KHDRBS2: variants seen among roughly 807,000 people sequenced by gnomAD.
The protein encoded by KHDRBS2 is KH RNA binding domain containing, signal transduction associated 2, also known as KH domain-containing, RNA-binding, signal transduction-associated protein 2.
Under a neutral mutation model 44.3 loss-of-function variants are expected in KHDRBS2, and 26 were observed. The ratio of observed to expected loss-of-function variants is 0.59; its 90% confidence interval spans 0.43 to 0.81. KHDRBS2 has a LOEUF of 0.81. Ranked by LOEUF, KHDRBS2 falls within the 40% of genes least tolerant of loss-of-function variation. The pLI is 0.00. For synonymous variants in KHDRBS2, 194 were observed against 151.1 expected (o/e 1.28, Z -2.08); for missense variants, 476 against 433.1 (o/e 1.10, Z -0.88).
intron 4 of KHDRBS2, among the ~76,000 whole-genome samples, chr6:61,968,858 G>A (rs531608817): frequency 6.6e-6 from 1 of 151,952 alleles, no homozygotes; most frequent in Admixed American, 6.6e-5. Context: ...GTAAAATGAG[G>A]CTTAGATTCC....
the KHDRBS2 span, among the ~76,000 whole-genome samples, chr6:61,622,708 T>A: frequency 6.6e-6 from 1 of 152,216 alleles, no homozygotes; most frequent in Non-Finnish European, 1.5e-5. Context: ...GAAGTGAACA[T>A]GCTTGAATGG....
intron 8 of KHDRBS2, among the ~76,000 whole-genome samples, chr6:61,687,657 G>C (rs1461886546): frequency 6.6e-6 from 1 of 151,468 alleles, no homozygotes; most frequent in Non-Finnish European, 1.5e-5. Flanking sequence ...ATATTATTGT[G>C]CTTAATATCT....
intron 2 of KHDRBS2, among the ~76,000 whole-genome samples, chr6:62,048,263 T>TATATA (rs964232401): frequency 1.7e-4 from 26 of 151,858 alleles, no homozygotes; most frequent in African/African-American, 5.8e-4. Context: ...ATCATTTACA[T>TATATA]ATATAATCAA....
intron 6 of KHDRBS2, among the ~76,000 whole-genome samples, chr6:61,866,081 C>T (rs1583236829): frequency 6.6e-6 from 1 of 152,280 alleles, no homozygotes; most frequent in East Asian, 1.9e-4. Context: ...GCCCTCTTCT[C>T]ACAGTTCCTG....
intron 6 of KHDRBS2, among the ~76,000 whole-genome samples, chr6:61,886,216 C>T (rs1231085431): frequency 1.3e-5 from 2 of 152,120 alleles, no homozygotes; most frequent in East Asian, 3.8e-4. Context: ...AAGTTACAAC[C>T]TCAGCCTTGA....
At chr6:61,805,331 T>C (rs1287110792) in intron 6 of KHDRBS2, among the ~76,000 whole-genome samples, 1 of 152,158 alleles carries the variant, frequency 6.6e-6, no homozygotes, top group East Asian at 1.9e-4. Context: ...CTAAATTTCA[T>C]TGTTCATATC....
chr6:61,663,500 C>CATATAT, the KHDRBS2 span, among the ~76,000 whole-genome samples: 845 of 35,984 alleles, frequency 0.023, 214 homozygotes, highest in East Asian at 0.069. Context: ...CATGAGACAC[C>CATATAT]ATATATATAT....
At chr6:62,084,480 A>C (rs1051553921) in intron 2 of KHDRBS2, among the ~76,000 whole-genome samples, 2 of 152,190 alleles carry the variant, frequency 1.3e-5, no homozygotes, top group African/African-American at 4.8e-5. Flanking sequence ...TGCTGTGTGT[A>C]CCCTGGGGAG....
intron 2 of KHDRBS2, among the ~76,000 whole-genome samples, chr6:62,056,275 T>C (rs954976740): frequency 1.3e-5 from 2 of 151,994 alleles, no homozygotes; most frequent in African/African-American, 4.8e-5. Flanking sequence ...ATTTCATTAA[T>C]CCTAGAAATA....
intron 6 of KHDRBS2, among the ~76,000 whole-genome samples, chr6:61,806,782 T>A (rs1446211400): frequency 6.6e-6 from 1 of 152,084 alleles, no homozygotes; most frequent in African/African-American, 2.4e-5. Flanking sequence ...CTGGCTAAAT[T>A]TTACAAGCTG....
At chr6:62,073,771 T>A (rs1426393662) in intron 2 of KHDRBS2, among the ~76,000 whole-genome samples, 1 of 151,730 alleles carries the variant, frequency 6.6e-6, no homozygotes, top group Non-Finnish European at 1.5e-5. Flanking sequence ...ATGTTGTTTT[T>A]ATCATGCAGC....
the KHDRBS2 span, among the ~76,000 whole-genome samples, chr6:61,666,645 T>C: frequency 2.0e-5 from 3 of 151,310 alleles, no homozygotes; most frequent in Non-Finnish European, 3.0e-5. Flanking sequence ...AATTTGAAAA[T>C]AGAGTAAGCC....
chr6:61,773,048 T>C (rs1461176658), intron 6 of KHDRBS2, among the ~76,000 whole-genome samples: 1 of 152,126 alleles, frequency 6.6e-6, no homozygotes, highest in African/African-American at 2.4e-5. Flanking sequence ...CATTGTTTGA[T>C]ATTTGGGTTG....
intron 1 of KHDRBS2, among the ~76,000 whole-genome samples, chr6:62,282,719 T>C (rs1236158218): frequency 1.3e-5 from 2 of 152,182 alleles, no homozygotes; most frequent in Non-Finnish European, 2.9e-5. Flanking sequence ...TATTAATCAT[T>C]AAACTAGGAA....
chr6:62,244,236 C>G lies in KHDRBS2; in HGVS notation c.91+41622G>C, dbSNP rs149699390. ...TTAGGTTTTGCTATCATAAATAAAA[C>G]CTGAGATATTTCTGTATTTTTCTAT... On this transcript the variant is annotated intron_variant, in intron 1 of 8. Transcript: ENST00000281156. Among the ~76,000 whole-genome samples the G allele has an allele frequency of 2.5e-3, 382 of 152,116 alleles. 3 individuals are homozygous for G. The highest frequency in any genetic ancestry group is 8.4e-3 in the African/African-American group (350 of 41,516).
At chr6:62,020,502 A>C (rs543251865) in intron 3 of KHDRBS2, among the ~76,000 whole-genome samples, 1 of 152,068 alleles carries the variant, frequency 6.6e-6, no homozygotes, top group African/African-American at 2.4e-5. Flanking sequence ...CTCTATCCTT[A>C]ATGATTGTCT....
intron 6 of KHDRBS2, among the ~76,000 whole-genome samples, chr6:61,865,255 CGAAGCCTACTATATT>C (rs1486713224): frequency 1.3e-5 from 2 of 151,966 alleles, no homozygotes; most frequent in African/African-American, 4.8e-5. Flanking sequence ...ATTCACATTC[CGAAGCCTACTATATT>C]AGTCTCTTTT....
At chr6:61,607,808 C>T in the KHDRBS2 span, among the ~76,000 whole-genome samples, 9 of 152,132 alleles carry the variant, frequency 5.9e-5, no homozygotes, top group African/African-American at 1.9e-4. Context: ...CTGCCTCAGC[C>T]TCCCTGGTAG....
chr6:61,739,678 C>T (rs930983039), intron 6 of KHDRBS2, among the ~76,000 whole-genome samples: 6 of 151,958 alleles, frequency 3.9e-5, no homozygotes, highest in South Asian at 2.1e-4. Context: ...TAAAACAAAA[C>T]GTCAAGTCCT....
Sources: gnomAD v4.1 joint callset for allele counts (sites outside exome capture counted in the v4.1 genomes callset) on GRCh38, gnomAD v4.1.1 for gene constraint, MANE v1.5 for transcripts, NCBI Gene and HGNC (gene_info 2026-07-23, HGNC 2026-07-21) for gene names.